The following NUP54 variants were observed in gnomAD, a reference collection of about 807,000 sequenced individuals.
The protein encoded by NUP54 is nucleoporin p54.
NUP54 carries 27 observed loss-of-function variants against 66.4 expected under a neutral mutation model. That is an observed-to-expected ratio of 0.41 (90% CI 0.30 to 0.56). The LOEUF is 0.56. Ranked by LOEUF, NUP54 falls within the 20% of genes least tolerant of loss-of-function variation. The pLI is 0.34. For missense variants in NUP54, 486 were observed against 596.3 expected, an observed-to-expected ratio of 0.82 and a Z score of 1.93; for synonymous variants, 206 against 210.7, an observed-to-expected ratio of 0.98 and a Z score of 0.19.
chr4:76,120,421 CTTTTTT>C (rs59098375), intron 9 of NUP54, among the ~76,000 whole-genome samples: 14 of 117,780 alleles, frequency 1.2e-4, no homozygotes, highest in African/African-American at 3.6e-4. Flanking sequence ...AAAGGGATCT[CTTTTTT>C]TTTTTTTTTT....
intron 9 of NUP54, among the ~76,000 whole-genome samples, chr4:76,121,255 T>C (rs746274832): frequency 1.2e-4 from 19 of 152,210 alleles, no homozygotes; most frequent in Non-Finnish European, 2.2e-4. Flanking sequence ...TCAGCACACT[T>C]GCATCTATTT....
chr4:76,124,160 T>C (rs565412892), intron 9 of NUP54, among the ~76,000 whole-genome samples: 2 of 152,312 alleles, frequency 1.3e-5, no homozygotes, highest in South Asian at 4.1e-4. Context: ...AGTACAGATT[T>C]TGCTGTTTCC....
Position 76,134,206 on chromosome 4 carries a change from C to T in NUP54, c.679G>A (p.Val227Ile). The change falls in exon 5 of 12, where the codon GTA becomes ATA. Residue 227 changes from valine to isoleucine, a missense_variant. Val to Ile is a conservative substitution (Grantham distance 29, BLOSUM62 3). Around this residue, in one of 4 missense-constraint regions of NUP54, gnomAD observed 217 missense variants for 247.9 expected, o/e 0.88. Coordinates refer to ENST00000264883, the MANE Select transcript of NUP54 (RefSeq NM_017426.4). Reference sequence around the variant, plus strand: ...TCTGGCAATGTTTTAGTGCCCTCTACATTTACAGTAAGGGTCTGGTTTCCT... The same window carrying T: ...TCTGGCAATGTTTTAGTGCCCTCTATATTTACAGTAAGGGTCTGGTTTCCT... Reference protein sequence around the residue: ...LGGNQTLTVNVEGTKTLPDDQ... With the variant: ...LGGNQTLTVNIEGTKTLPDDQ... The T allele has an allele frequency of 6.2e-7, 1 of 1,613,378 alleles. No homozygotes were observed. The highest frequency in any genetic ancestry group is 1.1e-5 in the South Asian group (1 of 91,052).
chr4:76,135,168 T>C (rs1354210052), intron 4 of NUP54, among the ~76,000 whole-genome samples: 1 of 152,206 alleles, frequency 6.6e-6, no homozygotes, highest in Non-Finnish European at 1.5e-5. Flanking sequence ...AAAGAATGTC[T>C]GTATCACTTT....
chr4:76,129,737 C>T (rs754192422), intron 8 of NUP54, among the ~76,000 whole-genome samples: 2 of 151,398 alleles, frequency 1.3e-5, no homozygotes, highest in African/African-American at 4.8e-5. Flanking sequence ...TGGTGGCAGG[C>T]GCCTGTAGTC....
chr4:76,144,823 T>G (rs1311862598), intron 1 of NUP54, among the ~76,000 whole-genome samples: 1 of 152,238 alleles, frequency 6.6e-6, no homozygotes, highest in Admixed American at 6.5e-5. Flanking sequence ...CAAATTCATA[T>G]GCCTAGAAGA....
chr4:76,118,931 G>A lies in NUP54; in HGVS notation c.1165-737C>T, dbSNP rs539154490. Among the ~76,000 whole-genome samples, 112 of 152,074 alleles carry A rather than the reference G, an allele frequency of 7.4e-4. 1 individual carries two copies. In the South Asian group the frequency reaches 0.011, roughly 15 times the overall value. On this transcript the variant is annotated intron_variant, in intron 9 of 11. Transcript: ENST00000264883. ...GAGGCAGGAGAATGGCGGAAAACCC[G>A]GGAGGCAGAGCTTGCAGTGAGCCTA...
At chr4:76,145,629 GTT>G in intron 1 of NUP54, 1 of 1,195,802 alleles carries the variant, frequency 8.4e-7, no homozygotes, top group Non-Finnish European at 1.1e-6. Context: ...ATCTAAAATT[GTT>G]TTGTTATTTT....
At chr4:76,126,137 G>A (rs1300205645) in intron 8 of NUP54, among the ~76,000 whole-genome samples, 6 of 152,092 alleles carry the variant, frequency 3.9e-5, no homozygotes, top group Non-Finnish European at 8.8e-5. Flanking sequence ...CAGAGGAAAA[G>A]GAATGATATT....
intron 3 of NUP54, among the ~76,000 whole-genome samples, chr4:76,140,827 G>A (rs1036518088): frequency 1.3e-5 from 2 of 152,138 alleles, no homozygotes; most frequent in African/African-American, 4.8e-5. Context: ...AGACAGTTGG[G>A]CTTACAAAGG....
chr4:76,148,318 C>T lies in NUP54; in HGVS notation c.57G>A (p.Ala19=), dbSNP rs777669091. 5.3e-6 allele frequency: 8 copies of T among 1,520,930 alleles called. No individual in the cohort carries two copies. The highest frequency in any genetic ancestry group is 7.1e-6 in the Non-Finnish European group (8 of 1,133,586). The allele number at this position is 1,520,930 out of a possible 1,614,324, so 94.2% of individuals were successfully genotyped here. ...SGTSGTAAAT[A]APAGGFGGFG... is the part of the protein sequence containing the mutation. ...AGGGGGATCACTCACCCGCGGGGGC[C>T]GCGGTGGCTGCAGCGGTACCGGAGG... The change falls in exon 1 of 12, where the codon GCG becomes GCA. Residue 19 remains alanine (A), a synonymous_variant. Coordinates refer to ENST00000264883, the MANE Select transcript of NUP54 (RefSeq NM_017426.4).
At chr4:76,147,731 G>C (rs1322559278) in intron 1 of NUP54, 1 of 1,048,396 alleles carries the variant, frequency 9.5e-7, no homozygotes. Context: ...AGAATCAGCA[G>C]GAGGTTTCAC....
intron 1 of NUP54, chr4:76,148,072 G>A: frequency 2.4e-6 from 1 of 422,446 alleles, no homozygotes; most frequent in African/African-American, 2.0e-5. Context: ...CTCAAGCCAG[G>A]GCCCTGTGGA....
rs1250440265 is a variant in NUP54, at chr4:76,130,690, T to C, written c.1022A>G (p.Asp341Gly). 2 of 1,613,780 alleles carry C rather than the reference T, an allele frequency of 1.2e-6. No homozygotes were observed. The highest frequency in any genetic ancestry group is 1.7e-6 in the Non-Finnish European group (2 of 1,179,774). The part of the protein sequence containing the change: ...KELLRRLKVQ[D>G]QMTKQHQTRL... ...GGTTTGATGCTGCTTAGTCATCTGA[T>C]CTTGAACCTTCAGTCTTCGGAGAAG... is the stretch of plus-strand genomic sequence containing the variant. Residue 341 changes from aspartate (D) to glycine (G), a missense_variant, in exon 8 of 12, where the codon GAT becomes GGT. Physicochemically the swap from Asp to Gly is moderately conservative, Grantham distance 94 (BLOSUM62 -1). Around this residue, in one of 4 missense-constraint regions of NUP54, gnomAD observed 217 missense variants for 247.9 expected, o/e 0.88. Coordinates refer to ENST00000264883, the MANE Select transcript of NUP54 (RefSeq NM_017426.4).
chr4:76,127,939 A>G (rs1277989238), intron 8 of NUP54, among the ~76,000 whole-genome samples: 1 of 152,168 alleles, frequency 6.6e-6, no homozygotes, highest in Non-Finnish European at 1.5e-5. Context: ...TACACGGGGC[A>G]GCTATTTGGG....
At chr4:76,132,790 A>C (rs755551649) in intron 5 of NUP54, 71 bp from the exon 6 acceptor site, 8 of 1,125,934 alleles carry the variant, frequency 7.1e-6, no homozygotes, top group Non-Finnish European at 1.0e-5. Context: ...AGCATATCAT[A>C]GCATGTGATT....
intron 1 of NUP54, 69 bp downstream of exon 1, chr4:76,148,239 T>G: frequency 9.1e-7 from 1 of 1,094,312 alleles, no homozygotes. Context: ...GGTCGGAGAG[T>G]CTCGGACAGA....
intron 10 of NUP54, 44 bp downstream of exon 10, chr4:76,118,031 C>A: frequency 6.3e-7 from 1 of 1,594,946 alleles, no homozygotes. Flanking sequence ...GTCTGCAGAT[C>A]CACCTGAAAC....
At position 76,115,100 on chromosome 4, in the gene NUP54, A is replaced by G. The variant is rs1275341533; in HGVS notation, c.*266T>C. On this transcript the variant is annotated 3_prime_UTR_variant, in exon 12 of 12. Transcript: ENST00000264883. ...GAAAATGCTGTTGTAAAAATGTACA[A>G]TAGTACATACAATTTTGGTAATTAT... is the stretch of plus-strand genomic sequence containing the variant. The G allele has an allele frequency of 6.8e-6, 2 of 292,094 alleles. No individual in the cohort carries two copies. Among genetic ancestry groups the G allele is most frequent in the East Asian group, 1.4e-4 (2 of 14,198 alleles). 18.1% of individuals were successfully genotyped at this position (292,094 alleles called of 1,614,324 possible).
Sources: gnomAD v4.1 joint callset for allele counts (sites outside exome capture counted in the v4.1 genomes callset) on GRCh38, gnomAD v4.1.1 for gene constraint, gnomAD v4.1.1 regional missense constraint, MANE v1.5 for transcripts, NCBI Gene and HGNC (gene_info 2026-07-23, HGNC 2026-07-21) for gene names.